The following CFAP299 variants were observed in gnomAD, a reference collection of about 807,000 sequenced individuals.
CFAP299 encodes cilia- and flagella-associated protein 299.
CFAP299 carries 21 observed loss-of-function variants against 27.0 expected under a neutral mutation model. The observed-to-expected ratio is 0.78, with a 90% CI of 0.55 to 1.12. CFAP299 has a LOEUF of 1.12. Ranked by LOEUF, CFAP299 falls within the 50% of genes most tolerant of loss-of-function variation. The pLI is 0.00. For missense variants in CFAP299, 310 were observed against 276.6 expected, an observed-to-expected ratio of 1.12 and a Z score of -0.86; for synonymous variants, 104 against 98.1, an observed-to-expected ratio of 1.06 and a Z score of -0.36.
intron 2 of CFAP299, among the ~76,000 whole-genome samples, chr4:80,562,538 AAAG>A (rs1490845835): frequency 2.6e-5 from 4 of 151,916 alleles, no homozygotes; most frequent in African/African-American, 9.6e-5. Flanking sequence ...AATTAAAAAT[AAAG>A]ACTATCCTCG....
chr4:80,553,300 C>T (rs1025835104), intron 2 of CFAP299, among the ~76,000 whole-genome samples: 1 of 152,158 alleles, frequency 6.6e-6, no homozygotes, highest in African/African-American at 2.4e-5. Flanking sequence ...CAGCTCCATC[C>T]ATGTTCCCAC....
At chr4:80,555,443 A>G (rs1286072527) in intron 2 of CFAP299, among the ~76,000 whole-genome samples, 1 of 152,032 alleles carries the variant, frequency 6.6e-6, no homozygotes, top group Non-Finnish European at 1.5e-5. Context: ...ATCAAAAGAT[A>G]CTGGCATAAA....
chr4:80,367,715 T>C (rs959914939), intron 2 of CFAP299, among the ~76,000 whole-genome samples: 14 of 152,112 alleles, frequency 9.2e-5, no homozygotes, highest in African/African-American at 3.1e-4. Context: ...ATTCCACTGG[T>C]TATAGTAGCC....
At chr4:80,542,557 C>T (rs1000653301) in intron 2 of CFAP299, among the ~76,000 whole-genome samples, 5 of 152,134 alleles carry the variant, frequency 3.3e-5, no homozygotes, top group Non-Finnish European at 7.4e-5. Flanking sequence ...AGAGGTGGCT[C>T]TGACCTATGT....
intron 2 of CFAP299, among the ~76,000 whole-genome samples, chr4:80,372,295 T>C (rs1724184012): frequency 6.6e-6 from 1 of 152,074 alleles, no homozygotes. Context: ...TCCAATCACC[T>C]CCCAACAGGC....
intron 3 of CFAP299, among the ~76,000 whole-genome samples, chr4:80,801,754 A>G (rs956046134): frequency 3.3e-5 from 5 of 152,128 alleles, no homozygotes; most frequent in African/African-American, 1.2e-4. Context: ...GCTGTTGATC[A>G]CTTTGAAAAA....
chr4:80,495,090 T>C lies in CFAP299; in HGVS notation c.243-88003T>C, dbSNP rs375354251. 7.2e-5 allele frequency among the ~76,000 whole-genome samples: 11 copies of C among 152,354 alleles called. No homozygotes were observed. The East Asian group carries it at 7.7e-4, about 11-fold the overall frequency. Reference sequence around the variant, plus strand: ...TTAAAAGAAATCACAGTTCATATGTTAAGTTTTATTTGATTTTGTTAAGGC... The same window carrying C: ...TTAAAAGAAATCACAGTTCATATGTCAAGTTTTATTTGATTTTGTTAAGGC... On this transcript the variant is annotated intron_variant, in intron 2 of 5. Transcript: ENST00000358105.
chr4:80,551,771 T>C (rs1734525303), intron 2 of CFAP299, among the ~76,000 whole-genome samples: 1 of 151,804 alleles, frequency 6.6e-6, no homozygotes, highest in Admixed American at 6.6e-5. Flanking sequence ...TTTTTTTTAA[T>C]GGAGACTCGG....
At chr4:80,722,759 G>C (rs955869540) in intron 3 of CFAP299, among the ~76,000 whole-genome samples, 1 of 151,906 alleles carries the variant, frequency 6.6e-6, no homozygotes, top group African/African-American at 2.4e-5. Flanking sequence ...AATTAGCCGG[G>C]CGAGGTAGCG....
In CFAP299 at chr4:80,356,455, T is replaced by TGA. The variant is rs368638071; in HGVS notation, c.112-6299_112-6298insGA. Among the ~76,000 whole-genome samples, 3 of 152,304 alleles carry TGA rather than the reference T, an allele frequency of 2.0e-5. No individual in the cohort carries two copies. In the East Asian group the frequency reaches 5.8e-4, roughly 29 times the overall value. Reference sequence around the variant, plus strand: ...TGGCCATTTTCACGACATTGATTCTTCCTATCCATGAGCATGAAGTGTTTT... The same window carrying TGA: ...TGGCCATTTTCACGACATTGATTCTTGACCTATCCATGAGCATGAAGTGTTTT... On this transcript the variant is annotated intron_variant, in intron 1 of 5. Coordinates refer to ENST00000358105, the MANE Select transcript of CFAP299 (RefSeq NM_152770.3).
chr4:80,809,950 A>G (rs1360652875), intron 3 of CFAP299, among the ~76,000 whole-genome samples: 2 of 152,106 alleles, frequency 1.3e-5, no homozygotes, highest in African/African-American at 4.8e-5. Context: ...GAGGTTCAAT[A>G]TCTTTACCCA....
chr4:80,672,518 T>C (rs1299688729), intron 3 of CFAP299, among the ~76,000 whole-genome samples: 1 of 152,218 alleles, frequency 6.6e-6, no homozygotes, highest in Non-Finnish European at 1.5e-5. Flanking sequence ...ACTGGCCTCA[T>C]AAAATGAGTT....
chr4:80,883,440 A>G (rs79518707), intron 4 of CFAP299, among the ~76,000 whole-genome samples: 1 of 152,178 alleles, frequency 6.6e-6, no homozygotes, highest in African/African-American at 2.4e-5. Context: ...CTCCCTATCA[A>G]TAATTACTAT....
At chr4:80,580,720 A>G (rs1736118997) in intron 2 of CFAP299, among the ~76,000 whole-genome samples, 1 of 152,022 alleles carries the variant, frequency 6.6e-6, no homozygotes, top group African/African-American at 2.4e-5. Flanking sequence ...TGTCTGAGCT[A>G]CTGTTCACAA....
Position 80,949,530 on chromosome 4 carries a change from T to G in CFAP299, c.606+4591T>G, listed in dbSNP as rs1422455285. 8.0e-5 allele frequency among the ~76,000 whole-genome samples: 6 copies of G among 74,638 alleles called. No homozygotes were observed. In the East Asian group the frequency reaches 2.2e-3, roughly 28 times the overall value. 49.0% of individuals were successfully genotyped at this position (74,638 alleles called of 152,430 possible). ...CCTAAAACTTAAAGTATAATAAAAT[T>G]TAAAAACAACAACAACAAAAAAAAA... On this transcript the variant is annotated intron_variant, in intron 5 of 5. Coordinates refer to ENST00000358105, the MANE Select transcript of CFAP299 (RefSeq NM_152770.3).
At chr4:80,550,465 T>C (rs919450908) in intron 2 of CFAP299, among the ~76,000 whole-genome samples, 1 of 152,092 alleles carries the variant, frequency 6.6e-6, no homozygotes, top group African/African-American at 2.4e-5. Context: ...ATAGACAAAT[T>C]ATGCATTTTA....
At chr4:80,523,540 A>G (rs925718437) in intron 2 of CFAP299, among the ~76,000 whole-genome samples, 1 of 152,164 alleles carries the variant, frequency 6.6e-6, no homozygotes, top group Non-Finnish European at 1.5e-5. Flanking sequence ...CATTTAAATC[A>G]GTAGACTCAG....
In CFAP299 at chr4:80,577,309, T is replaced by A. The variant is rs147753881; in HGVS notation, c.243-5784T>A. 5.1e-3 allele frequency among the ~76,000 whole-genome samples: 772 copies of A among 151,860 alleles called. 5 individuals are homozygous for A. The highest frequency in any genetic ancestry group is 0.021 in the Middle Eastern group (6 of 292). ...AGCATAGGGACTAGTACAAAGTCAG[T>A]GCCCGATAGCTAAAAAGTATTGCTG... On this transcript the variant is annotated intron_variant, in intron 2 of 5. Coordinates refer to ENST00000358105, the MANE Select transcript of CFAP299 (RefSeq NM_152770.3).
At chr4:80,801,105 C>A (rs1560420128) in intron 3 of CFAP299, among the ~76,000 whole-genome samples, 1 of 151,788 alleles carries the variant, frequency 6.6e-6, no homozygotes, top group Non-Finnish European at 1.5e-5. Flanking sequence ...TGGCAACACC[C>A]TCACAGACAC....
Sources: allele counts gnomAD v4.1 joint callset (sites outside exome capture counted in the v4.1 genomes callset), GRCh38; gene constraint gnomAD v4.1.1; transcripts MANE v1.5; gene names NCBI Gene and HGNC (gene_info 2026-07-23, HGNC 2026-07-21).